The following DBX2 variants were observed in gnomAD, a reference collection of about 807,000 sequenced individuals.
DBX2 encodes the protein developing brain homeobox 2, also known as homeobox protein DBX2.
Under a neutral mutation model 17.7 loss-of-function variants are expected in DBX2, and 16 were observed. That is an observed-to-expected ratio of 0.90 (90% confidence interval 0.61 to 1.37). The LOEUF is 1.37. Among genes scored for constraint, DBX2 ranks in the 40% most tolerant of loss-of-function variants. The pLI, the probability that DBX2 is intolerant of heterozygous loss-of-function variation, is 0.00. For missense variants in DBX2, 538 were observed against 433.8 expected (o/e 1.24, Z -2.13); for synonymous variants, 255 against 183.8 (o/e 1.39, Z -3.13).
At chr12:45,020,375 A>G (rs529884251) in intron 3 of DBX2, among the ~76,000 whole-genome samples, 140 of 152,098 alleles carry the variant, frequency 9.2e-4, no homozygotes, top group Non-Finnish European at 1.4e-3. Context: ...TAAGTACTTC[A>G]TTCTTTTTTA....
intron 1 of DBX2, among the ~76,000 whole-genome samples, chr12:45,046,716 AGTCAACAATTAATGG>A (rs1190297487): frequency 6.6e-6 from 1 of 152,210 alleles, no homozygotes; most frequent in Non-Finnish European, 1.5e-5. Context: ...AGTTTCAGAC[AGTCAACAATTAATGG>A]GTAAACAGTA....
chr12:45,047,335 T>C (rs1013361457), intron 1 of DBX2, among the ~76,000 whole-genome samples: 1 of 152,090 alleles, frequency 6.6e-6, no homozygotes, highest in Non-Finnish European at 1.5e-5. Flanking sequence ...AATACAACCA[T>C]GACATTTTTT....
At chr12:45,018,199 C>T (rs1056927451) in intron 3 of DBX2, among the ~76,000 whole-genome samples, 1 of 152,098 alleles carries the variant, frequency 6.6e-6, no homozygotes, top group Non-Finnish European at 1.5e-5. Flanking sequence ...AGAAAGCATG[C>T]CAAGTATTTC....
At chr12:45,038,825 A>C (rs1946454066) in intron 1 of DBX2, among the ~76,000 whole-genome samples, 2 of 152,148 alleles carry the variant, frequency 1.3e-5, no homozygotes, top group Admixed American at 1.3e-4. Flanking sequence ...AAACCATTTT[A>C]ATTGAATAGT....
intron 2 of DBX2, among the ~76,000 whole-genome samples, chr12:45,027,985 G>A (rs185774168): frequency 3.3e-5 from 5 of 152,342 alleles, no homozygotes; most frequent in Admixed American, 1.3e-4. Flanking sequence ...ATAAGAAGCC[G>A]CTGAGTTAGG....
At chr12:45,035,915 C>T in intron 2 of DBX2, 104 bp downstream of exon 2, 1 of 1,061,374 alleles carries the variant, frequency 9.4e-7, no homozygotes, top group Non-Finnish European at 1.3e-6. Context: ...GAGGAATTAG[C>T]TCCTTGCCAT....
chr12:45,043,679 A>G (rs1049581621), intron 1 of DBX2, among the ~76,000 whole-genome samples: 3 of 152,186 alleles, frequency 2.0e-5, no homozygotes, highest in Admixed American at 6.5e-5. Context: ...TCTAAGTGGG[A>G]ACCACCCAAC....
rs1468770718 is a variant in DBX2 at position 45,031,223 on chromosome 12, T to TGAGA, written c.499+4795_499+4796insTCTC. On this transcript the variant is annotated intron_variant, in intron 2 of 3. Transcript: ENST00000332700. ...GTGTGTGTGTGTGTGTGTGTGTGTG[T>TGAGA]GTGAGAGAGAGAGAGAGAGAGAGAG... Among the ~76,000 whole-genome samples, 105 of 44,184 alleles carry TGAGA rather than the reference T, an allele frequency of 2.4e-3. 1 individual carries two copies. Among genetic ancestry groups the TGAGA allele is most frequent in the Middle Eastern group, 0.015 (1 of 68 alleles). 29.0% of individuals were successfully genotyped at this position (44,184 alleles called of 152,430 possible). A position where few individuals can be genotyped will look rare whatever the true frequency, so the allele number is the denominator to read the frequency against.
At chr12:45,031,092 C>T (rs1024084320) in intron 2 of DBX2, among the ~76,000 whole-genome samples, 1 of 152,054 alleles carries the variant, frequency 6.6e-6, no homozygotes, top group Non-Finnish European at 1.5e-5. Context: ...GTGGGCTCAC[C>T]TTTTCCTGCT....
At chr12:45,022,547 G>A (rs750941551) in intron 3 of DBX2, among the ~76,000 whole-genome samples, 22 of 151,660 alleles carry the variant, frequency 1.5e-4, no homozygotes, top group Non-Finnish European at 2.8e-4. Context: ...CTCATGATCC[G>A]CCCACCTCAG....
Position 45,015,409 on chromosome 12 carries a change from T to C in DBX2, c.*877A>G, listed in dbSNP as rs538185873. 7 of 152,316 alleles carry C rather than the reference T, an allele frequency of 4.6e-5. No homozygotes were observed. Among genetic ancestry groups the C allele is most frequent in the African/African-American group, 1.4e-4 (6 of 41,572 alleles). 9.4% of individuals were successfully genotyped at this position (152,316 alleles called of 1,614,324 possible). A position where few individuals can be genotyped will look rare whatever the true frequency, so the allele number is the denominator to read the frequency against. ...GCCAGAGGTCACAAACTTCTTGGCATAGACATTTTGTTTGGCCAATACAGT... is the reference window on the plus strand; with the variant it reads ...GCCAGAGGTCACAAACTTCTTGGCACAGACATTTTGTTTGGCCAATACAGT... On this transcript the variant is annotated 3_prime_UTR_variant, in exon 4 of 4. Coordinates refer to ENST00000332700, the MANE Select transcript of DBX2 (RefSeq NM_001004329.3).
At chr12:45,031,477 A>G (rs1946410949) in intron 2 of DBX2, among the ~76,000 whole-genome samples, 1 of 152,078 alleles carries the variant, frequency 6.6e-6, no homozygotes, top group Non-Finnish European at 1.5e-5. Flanking sequence ...TCCCAATTCT[A>G]CACTTTATAT....
At chr12:45,032,751 C>T (rs1417458991) in intron 2 of DBX2, among the ~76,000 whole-genome samples, 1 of 152,100 alleles carries the variant, frequency 6.6e-6, no homozygotes, top group African/African-American at 2.4e-5. Context: ...CCAAATTTAA[C>T]CTTTGTCTTT....
At chr12:45,031,668 T>A (rs1946411724) in intron 2 of DBX2, among the ~76,000 whole-genome samples, 1 of 152,184 alleles carries the variant, frequency 6.6e-6, no homozygotes, top group African/African-American at 2.4e-5. Flanking sequence ...GCTTGTTCAA[T>A]GTACCTTTTA....
In DBX2 at chr12:45,016,039, G is replaced by T; in HGVS notation, c.*247C>A. On this transcript the variant is annotated 3_prime_UTR_variant, in exon 4 of 4. Coordinates refer to ENST00000332700, the MANE Select transcript of DBX2 (RefSeq NM_001004329.3). ...TACACATACTCAGAGCAGGGACCGA[G>T]CCAGCTGTTGCTCTCCTTCTTTTCA... 1 of 379,358 alleles carries T rather than the reference G, an allele frequency of 2.6e-6. No individual in the cohort carries two copies. Among genetic ancestry groups the T allele is most frequent in the East Asian group, 4.4e-5 (1 of 22,800 alleles). The allele number at this position is 379,358 out of a possible 1,614,324, so 23.5% of individuals were successfully genotyped here.
At chr12:45,046,763 A>T (rs1041731453) in intron 1 of DBX2, among the ~76,000 whole-genome samples, 2 of 152,208 alleles carry the variant, frequency 1.3e-5, no homozygotes, top group African/African-American at 4.8e-5. Flanking sequence ...GAGACAGACA[A>T]GAAAACTAGA....
rs1160666578 is a variant in DBX2, at chr12:45,035,665, C to T, written c.499+354G>A. Among the ~76,000 whole-genome samples, 3 of 152,174 alleles carry T rather than the reference C, an allele frequency of 2.0e-5. 1 individual carries two copies. Among genetic ancestry groups the T allele is most frequent in the Non-Finnish European group, 4.4e-5 (3 of 68,036 alleles). On this transcript the variant is annotated intron_variant, in intron 2 of 3. Coordinates refer to ENST00000332700, the MANE Select transcript of DBX2 (RefSeq NM_001004329.3). ...TAAGTGGAATGGAAATTTTACACAG[C>T]ACAATTTTTCGCCTTCCTTCCTTTC...
chr12:45,043,361 G>A (rs1390036), intron 1 of DBX2, among the ~76,000 whole-genome samples: 152,327 of 152,338 alleles, frequency 1, 76,158 homozygotes, highest in Middle Eastern at 1. Flanking sequence ...AGACTAAGTC[G>A]TAAGAAACTG....
At position 45,015,704 on chromosome 12, in the gene DBX2, T is replaced by C. The variant is rs1026449512; in HGVS notation, c.*582A>G. ...ATTTTAAATATATATTCTCAGTGTA[T>C]GTATCTAGCAGTGGCTCATTTGTTG... On this transcript the variant is annotated 3_prime_UTR_variant, in exon 4 of 4. Coordinates refer to ENST00000332700, the MANE Select transcript of DBX2 (RefSeq NM_001004329.3). 2 of 152,238 alleles carry C rather than the reference T, an allele frequency of 1.3e-5. No homozygotes were observed. Among genetic ancestry groups the C allele is most frequent in the Non-Finnish European group, 2.9e-5 (2 of 68,044 alleles). The allele number at this position is 152,238 out of a possible 1,614,324, so 9.4% of individuals were successfully genotyped here. A position where few individuals can be genotyped will look rare whatever the true frequency, so the allele number is the denominator to read the frequency against.
Sources: gnomAD v4.1 joint callset for allele counts (sites outside exome capture counted in the v4.1 genomes callset) on GRCh38, gnomAD v4.1.1 for gene constraint, MANE v1.5 for transcripts, NCBI Gene and HGNC (gene_info 2026-07-23, HGNC 2026-07-21) for gene names.